ARVCF: variants seen among roughly 807,000 people sequenced by gnomAD.
The protein encoded by ARVCF is splicing regulator ARVCF.
ARVCF carries 66 observed loss-of-function variants against 90.9 expected under a neutral mutation model. The observed-to-expected ratio is 0.73, with a 90% confidence interval of 0.60 to 0.89. ARVCF has a LOEUF of 0.89. Ranked by LOEUF, ARVCF falls within the 40% of genes least tolerant of loss-of-function variation. The probability of loss-of-function intolerance (pLI) is 0.00; values close to 1 mark genes in which losing one functional copy is unlikely to be tolerated. For missense variants in ARVCF, 1,469 were observed against 1,382.3 expected (o/e 1.06, Z -1.00); for synonymous variants, 653 against 603.4 (o/e 1.08, Z -1.21).
Position 19,978,035 on chromosome 22 carries a change from G to T in ARVCF, c.1621C>A (p.Arg541=). 2 of 1,611,648 alleles carry T rather than the reference G, an allele frequency of 1.2e-6. No individual in the cohort carries two copies. The highest frequency in any genetic ancestry group is 1.7e-6 in the Non-Finnish European group (2 of 1,179,386). The stretch of plus-strand genomic sequence containing the variant: ...GCGTCCACCAGCCCTTCACACTCCC[G>T]GAGTCGCCGCCGGGCCTCAGCACCA... ...SDGAEARRRL[R]ECEGLVDALL... The change falls in exon 8 of 20, where the codon CGG becomes AGG. Residue 541 remains arginine, a synonymous_variant. Transcript: ENST00000263207.
chr22:19,993,825 A>G (rs923177752), intron 2 of ARVCF, among the ~76,000 whole-genome samples: 3 of 152,244 alleles, frequency 2.0e-5, no homozygotes, highest in Admixed American at 6.5e-5. Flanking sequence ...GGTCGGGGCT[A>G]AACTGAAACT....
chr22:19,971,823 C>G (rs1942813690), intron 18 of ARVCF, 63 bp downstream of exon 18: 3 of 1,573,728 alleles, frequency 1.9e-6, no homozygotes, highest in South Asian at 1.1e-5. Context: ...CTAGGCTGCT[C>G]TCCAGCAACC....
At chr22:19,975,519 G>A (rs1174211417) in intron 11 of ARVCF, among the ~76,000 whole-genome samples, 167 bp downstream of exon 11, 4 of 152,170 alleles carry the variant, frequency 2.6e-5, no homozygotes, top group African/African-American at 9.7e-5. Context: ...CTCAGCAGGT[G>A]TCCTGGTGCT....
At chr22:19,967,227 C>T, downstream of ARVCF, 6 of 1,303,848 alleles carry the variant, frequency 4.6e-6, no homozygotes, top group Non-Finnish European at 5.1e-6. Flanking sequence ...CCAGATTGGG[C>T]TCCTGAGTCC....
intron 6 of ARVCF, 41 bp from the exon 7 acceptor site, chr22:19,979,121 C>T: frequency 6.3e-7 from 1 of 1,582,586 alleles, no homozygotes; most frequent in Non-Finnish European, 8.6e-7. Flanking sequence ...ACCATATGCA[C>T]CGCCTGCCTA....
downstream of ARVCF, chr22:19,965,508 G>GT: frequency 6.6e-6 from 1 of 152,204 alleles, no homozygotes; most frequent in South Asian, 2.1e-4. Flanking sequence ...CACCCGGCTA[G>GT]TTTTTTGTAG....
Position 19,977,949 on chromosome 22 carries a change from C to T in ARVCF, c.1698+9G>A. ...CCCTTGGTATGAGGCTGTGACCGTC[C>T]CTGCCCACCTTGTTGTCAGTGTCCT... On this transcript the variant is annotated intron_variant, in intron 8 of 19. Coordinates refer to ENST00000263207, the MANE Select transcript of ARVCF (RefSeq NM_001670.3). 1.3e-6 allele frequency: 2 copies of T among 1,598,626 alleles called. No individual in the cohort carries two copies. The highest frequency in any genetic ancestry group is 1.3e-5 in the African/African-American group (1 of 74,614).
chr22:20,007,331 G>A lies in ARVCF; in HGVS notation c.-19+3124C>T, dbSNP rs941466492. Among the ~76,000 whole-genome samples, 7 of 152,234 alleles carry A rather than the reference G, an allele frequency of 4.6e-5. No homozygotes were observed. The East Asian group carries it at 1.3e-3, about 29-fold the overall frequency. ...GCAGGAGAATTGCTTGAACGTGGGA[G>A]GTGAAGGTTGCAGTGAGCCAAGAAT... On this transcript the variant is annotated intron_variant, in intron 2 of 19. Coordinates refer to ENST00000263207, the MANE Select transcript of ARVCF (RefSeq NM_001670.3).
At position 19,973,025 on chromosome 22, in the gene ARVCF, C is replaced by T. The variant is rs116731572; in HGVS notation, c.2450G>A (p.Arg817His). The T allele has an allele frequency of 2.5e-6, 4 of 1,613,184 alleles. No homozygotes were observed. Among genetic ancestry groups the T allele is most frequent in the Non-Finnish European group, 3.4e-6 (4 of 1,179,988 alleles). The part of the protein sequence containing the change: ...VALVASSQSV[R>H]EAKAASHVLQ... ...CACGTGTGACGCCGCCTTCGCTTCG[C>T]GTACCGATTGGCTGTGGGGCCGGGG... is the stretch of plus-strand genomic sequence containing the variant. Residue 817 changes from arginine (R) to histidine (H), a missense_variant, in exon 15 of 20, where the codon CGC becomes CAC. By Grantham distance (29) the Arg-to-His change is conservative. Coordinates refer to ENST00000263207, the MANE Select transcript of ARVCF (RefSeq NM_001670.3).
chr22:19,990,726 G>A lies in ARVCF; in HGVS notation c.69C>T (p.Phe23=), dbSNP rs1047930202. ...LASVKEQEAR[F]ERLTRALEQE... The stretch of plus-strand genomic sequence containing the variant: ...GCTCCAGTGCCCGTGTCAGCCTCTC[G>A]AAGCGGGCCTCCTGCTCCTTCACCG... The change falls in exon 3 of 20, where the codon TTC becomes TTT. Residue 23 remains phenylalanine, a synonymous_variant. Transcript: ENST00000263207. 17 of 1,593,092 alleles carry A rather than the reference G, an allele frequency of 1.1e-5. No individual in the cohort carries two copies. Among genetic ancestry groups the A allele is most frequent in the Admixed American group, 3.4e-5 (2 of 58,186 alleles).
In ARVCF at chr22:19,981,364, C is replaced by T. The variant is rs370815944; in HGVS notation, c.743G>A (p.Arg248His). ...TGCCTGGAAGCGCTCGGGCAGGGAG[C>T]GGCCACCTGGTGGCCCAGGCTCAGG... The part of the protein sequence containing the change: ...VGPEPGPPGG[R>H]SLPERFQAEP... The change falls in exon 5 of 20, where the codon CGC (arginine) becomes CAC (histidine). Residue 248 changes from arginine (R) to histidine (H), a missense_variant. Coordinates refer to ENST00000263207, the MANE Select transcript of ARVCF (RefSeq NM_001670.3). 79 of 1,604,064 alleles carry T rather than the reference C, an allele frequency of 4.9e-5. No individual in the cohort carries two copies. Among genetic ancestry groups the T allele is most frequent in the African/African-American group, 2.5e-4 (19 of 74,854 alleles).
At chr22:19,977,725 G>A (rs1943240651) in intron 8 of ARVCF, 139 bp from the exon 9 acceptor site, 1 of 1,260,286 alleles carries the variant, frequency 7.9e-7, no homozygotes, top group Admixed American at 3.1e-5. Flanking sequence ...GAGCAAAAGG[G>A]CGGTAACCGC....
At chr22:19,977,717 G>T in intron 8 of ARVCF, 131 bp from the exon 9 acceptor site, 1 of 1,295,470 alleles carries the variant, frequency 7.7e-7, no homozygotes, top group Non-Finnish European at 1.0e-6. Context: ...GTGGAGGGGA[G>T]CAAAAGGGCG....
At chr22:19,965,810 G>A (rs1247727667), downstream of ARVCF, among the ~76,000 whole-genome samples, 1 of 152,136 alleles carries the variant, frequency 6.6e-6, no homozygotes, top group Non-Finnish European at 1.5e-5. Flanking sequence ...TGGCCAAGGG[G>A]GTGGGCATTG....
At chr22:20,000,202 T>G (rs1944396333) in intron 2 of ARVCF, among the ~76,000 whole-genome samples, 1 of 152,198 alleles carries the variant, frequency 6.6e-6, no homozygotes, top group Non-Finnish European at 1.5e-5. Flanking sequence ...TCCCCTTTGG[T>G]CTGCCCTTGC....
chr22:19,995,807 C>T (rs975510721), intron 2 of ARVCF, among the ~76,000 whole-genome samples: 18 of 152,068 alleles, frequency 1.2e-4, no homozygotes, highest in South Asian at 4.1e-4. Context: ...AGGGGAGAGA[C>T]GGGACGGATG....
chr22:19,982,854 G>C (rs963313690), intron 3 of ARVCF, among the ~76,000 whole-genome samples: 9 of 152,244 alleles, frequency 5.9e-5, no homozygotes, highest in African/African-American at 1.7e-4. Flanking sequence ...AGACACAGTA[G>C]ATTTGAGCCT....
chr22:19,986,164 C>T (rs1233278383), intron 3 of ARVCF, among the ~76,000 whole-genome samples: 2 of 152,344 alleles, frequency 1.3e-5, no homozygotes, highest in Middle Eastern at 3.4e-3. Flanking sequence ...CCTCAGCTTC[C>T]CCAAGCTCAG....
chr22:20,003,521 A>T (rs1386048032), intron 2 of ARVCF, among the ~76,000 whole-genome samples: 1 of 152,238 alleles, frequency 6.6e-6, no homozygotes, highest in African/African-American at 2.4e-5. Context: ...TACAAGAATT[A>T]TAAACCTAAC....
Sources: allele counts gnomAD v4.1 joint callset (sites outside exome capture counted in the v4.1 genomes callset), GRCh38; gene constraint gnomAD v4.1.1; transcripts MANE v1.5; gene names NCBI Gene and HGNC (gene_info 2026-07-23, HGNC 2026-07-21).